Variants in GOLM2 observed in about 807,000 individuals in gnomAD.
GOLM2 encodes golgi membrane protein 2.
In GOLM2, 26 loss-of-function variants were observed where a neutral mutation model predicts 55.9. The observed-to-expected ratio is 0.47, with a 90% confidence interval of 0.34 to 0.65. The LOEUF (loss-of-function observed/expected upper bound fraction) is 0.65. GOLM2 is among the 30% of genes least tolerant of loss of function. The pLI is 0.01. For synonymous variants in GOLM2, 165 were observed against 194.6 expected (o/e 0.85, Z 1.27); for missense variants, 486 against 531.8 (o/e 0.91, Z 0.85).
chr15:44,295,917 T>TACACACACAC lies in GOLM2; in HGVS notation c.327+6583_327+6592dup, dbSNP rs71421830. Among the ~76,000 whole-genome samples, 1,188 of 143,134 alleles carry TACACACACAC rather than the reference T, an allele frequency of 8.3e-3. 18 individuals carry two copies. The highest frequency in any genetic ancestry group is 0.029 in the African/African-American group (1,125 of 38,838). The allele number at this position is 143,134 out of a possible 152,430, so 93.9% of individuals were successfully genotyped here. A position where few individuals can be genotyped will look rare whatever the true frequency, so the allele number is the denominator to read the frequency against. On this transcript the variant is annotated intron_variant, in intron 1 of 9. Transcript: ENST00000299957. Reference sequence around the variant, plus strand: ...TAGAACAAGGGAGATCCACCACACATACACACACACACACACACACACACA... The same window carrying TACACACACAC: ...TAGAACAAGGGAGATCCACCACACATACACACACACACACACACACACACACACACACACA...
chr15:44,288,933 C>T lies in GOLM2; in HGVS notation c.-97C>T. 3.3e-6 allele frequency: 4 copies of T among 1,216,836 alleles called. No individual in the cohort carries two copies. The South Asian group carries it at 5.9e-5, about 18-fold the overall frequency. The allele number at this position is 1,216,836 out of a possible 1,614,324, so 75.4% of individuals were successfully genotyped here. On this transcript the variant is annotated 5_prime_UTR_variant, in exon 1 of 10. Transcript: ENST00000299957. The stretch of plus-strand genomic sequence containing the variant: ...AGCCCGCCTCCTCCCTCGGCCGGCC[C>T]TGGGGCCGTGTCCGCCGGGCAACTC...
intron 6 of GOLM2, among the ~76,000 whole-genome samples, chr15:44,361,881 G>A (rs2079242817): frequency 6.6e-6 from 1 of 151,900 alleles, no homozygotes; most frequent in African/African-American, 2.4e-5. Context: ...ATGCAAGGCT[G>A]GTTCAATATA....
intron 1 of GOLM2, among the ~76,000 whole-genome samples, chr15:44,305,307 AT>A (rs1001043524): frequency 5.0e-4 from 75 of 149,890 alleles, no homozygotes; most frequent in African/African-American, 1.4e-3. Flanking sequence ...AATTATTATA[AT>A]TTTTTTTTTG....
chr15:44,337,952 A>G, intron 5 of GOLM2, 45 bp downstream of exon 5: 1 of 1,512,410 alleles, frequency 6.6e-7, no homozygotes, highest in Non-Finnish European at 8.9e-7. Context: ...TAGGATATTG[A>G]CTTTTTCTTC....
rs1294276067 is a variant in GOLM2, at chr15:44,415,272, T to C, written c.*1866T>C. The C allele has an allele frequency of 6.6e-6, 1 of 152,590 alleles. No individual in the cohort carries two copies. The highest frequency in any genetic ancestry group is 1.5e-5 in the Non-Finnish European group (1 of 68,014). 9.5% of individuals were successfully genotyped at this position (152,590 alleles called of 1,614,324 possible). A position where few individuals can be genotyped will look rare whatever the true frequency, so the allele number is the denominator to read the frequency against. On this transcript the variant is annotated 3_prime_UTR_variant, in exon 10 of 10. Coordinates refer to ENST00000299957, the MANE Select transcript of GOLM2 (RefSeq NM_138423.4). ...ATGGTGGTTTCACAGAATTTTAAAA[T>C]AGAGTTAAAGGGAAGTGATGTACAT...
intron 8 of GOLM2, among the ~76,000 whole-genome samples, chr15:44,402,528 A>G (rs1045513903): frequency 3.9e-5 from 6 of 152,160 alleles, no homozygotes; most frequent in African/African-American, 1.4e-4. Flanking sequence ...CATATCTAGT[A>G]ATAAAATAAT....
chr15:44,343,060 G>A lies in GOLM2; in HGVS notation c.802+4743G>A, dbSNP rs1489441816. ...ATATCTTAGTTTCTATTGGCCGGGT[G>A]CAGTGGCTCATGCCTGTAATCTCAG... On this transcript the variant is annotated intron_variant, in intron 6 of 9. Transcript: ENST00000299957. Among the ~76,000 whole-genome samples, 4 of 152,194 alleles carry A rather than the reference G, an allele frequency of 2.6e-5. No homozygotes were observed. In the East Asian group the frequency reaches 5.8e-4, roughly 22 times the overall value.
intron 1 of GOLM2, among the ~76,000 whole-genome samples, chr15:44,292,555 T>A (rs974897956): frequency 4.6e-5 from 7 of 152,152 alleles, no homozygotes; most frequent in Admixed American, 4.6e-4. Flanking sequence ...AGGGTGTTGC[T>A]ATGTTGCCCA....
At chr15:44,316,755 A>C (rs1393661921) in intron 1 of GOLM2, among the ~76,000 whole-genome samples, 1 of 131,668 alleles carries the variant, frequency 7.6e-6, no homozygotes, top group Non-Finnish European at 1.6e-5. Flanking sequence ...ACTCTGTCTC[A>C]AAAAAAAAAA....
At position 44,288,871 on chromosome 15, in the gene GOLM2, G is replaced by C. The variant is rs966073155; in HGVS notation, c.-159G>C. On this transcript the variant is annotated 5_prime_UTR_variant, in exon 1 of 10. Coordinates refer to ENST00000299957, the MANE Select transcript of GOLM2 (RefSeq NM_138423.4). ...GGGCGGGGAGGGACCTGCGGCTTGCGGCCCCGCCCCCTTCTCCGGCTCGCA... is the reference window on the plus strand; with the variant it reads ...GGGCGGGGAGGGACCTGCGGCTTGCCGCCCCGCCCCCTTCTCCGGCTCGCA... 8.9e-5 allele frequency: 57 copies of C among 642,524 alleles called. 1 individual carries two copies. The highest frequency in any genetic ancestry group is 6.8e-5 in the Non-Finnish European group (26 of 381,134). 39.8% of individuals were successfully genotyped at this position (642,524 alleles called of 1,614,324 possible).
chr15:44,380,019 GCCACT>G (rs1005192181), intron 7 of GOLM2, among the ~76,000 whole-genome samples: 1 of 152,046 alleles, frequency 6.6e-6, no homozygotes, highest in African/African-American at 2.4e-5. Flanking sequence ...TATTTATTAT[GCCACT>G]CTGAGCTACA....
chr15:44,301,357 GTTA>G (rs1174314035), intron 1 of GOLM2, among the ~76,000 whole-genome samples: 2 of 151,964 alleles, frequency 1.3e-5, no homozygotes, highest in Non-Finnish European at 2.9e-5. Context: ...ATTTATCTTG[GTTA>G]TCCTATCATT....
chr15:44,314,840 A>G (rs974021821), intron 1 of GOLM2, among the ~76,000 whole-genome samples: 2 of 152,200 alleles, frequency 1.3e-5, no homozygotes, highest in African/African-American at 4.8e-5. Context: ...CAGTTTCCTC[A>G]TTTGTGAAAT....
At chr15:44,399,538 C>A (rs2079551209) in intron 8 of GOLM2, among the ~76,000 whole-genome samples, 1 of 152,094 alleles carries the variant, frequency 6.6e-6, no homozygotes, top group African/African-American at 2.4e-5. Flanking sequence ...GATCATCAAA[C>A]ACCTAAAAAA....
intron 8 of GOLM2, among the ~76,000 whole-genome samples, chr15:44,393,116 A>G (rs1260821467): frequency 1.3e-5 from 2 of 152,210 alleles, no homozygotes; most frequent in Non-Finnish European, 2.9e-5. Context: ...TGTAGACAAT[A>G]TGATTTTATA....
In GOLM2 at chr15:44,379,769, C is replaced by G. The variant is rs776565514; in HGVS notation, c.882C>G (p.Leu294=). The G allele has an allele frequency of 3.7e-6, 6 of 1,608,706 alleles. No individual in the cohort carries two copies. The Admixed American group carries it at 1.0e-4, about 27-fold the overall frequency. ...AISHLPTGQP[L]SPNMPPDSHI... is the part of the protein sequence containing the mutation. ...CCCATCTTCCAACTGGACAACCTCT[C>G]TCCCCAAATATGCCTCCAGGTATGA... Residue 294 remains leucine (L), a synonymous_variant, in exon 7 of 10, where the codon CTC becomes CTG. Transcript: ENST00000299957.
At chr15:44,322,795 G>A (rs2078959582) in intron 1 of GOLM2, among the ~76,000 whole-genome samples, 170 bp from the exon 2 acceptor site, 1 of 152,104 alleles carries the variant, frequency 6.6e-6, no homozygotes, top group African/African-American at 2.4e-5. Flanking sequence ...TTTAAAGTAA[G>A]CATTACAAGA....
intron 2 of GOLM2, among the ~76,000 whole-genome samples, chr15:44,323,223 G>A (rs1445887160): frequency 6.6e-6 from 1 of 151,988 alleles, no homozygotes; most frequent in African/African-American, 2.4e-5. Context: ...GTTAAAATTT[G>A]AGATCTGTGT....
chr15:44,382,359 A>AGT (rs1246732912), intron 8 of GOLM2: 1 of 151,568 alleles, frequency 6.6e-6, no homozygotes, highest in Non-Finnish European at 1.5e-5. Flanking sequence ...CCAGGCCAGG[A>AGT]GTGCAGTGGC....
Sources: allele counts gnomAD v4.1 joint callset (sites outside exome capture counted in the v4.1 genomes callset), GRCh38; gene constraint gnomAD v4.1.1; transcripts MANE v1.5; gene names NCBI Gene and HGNC (gene_info 2026-07-23, HGNC 2026-07-21).